The following POU3F3 variants were observed in gnomAD, a reference collection of about 807,000 sequenced individuals.
The protein encoded by POU3F3 is POU domain, class 3, transcription factor 3.
A neutral mutation model predicts 8.6 loss-of-function variants in POU3F3; 1 was observed. That is an observed-to-expected ratio of 0.12 (90% confidence interval 0.04 to 0.55). The LOEUF is 0.55. Among genes scored for constraint, POU3F3 ranks in the 20% least tolerant of loss-of-function variants. The pLI, the probability that POU3F3 is intolerant of heterozygous loss-of-function variation, is 0.91. For synonymous variants in POU3F3, 418 were observed against 327.4 expected (o/e 1.28, Z -2.99); for missense variants, 577 against 690.7 (o/e 0.84, Z 1.84).
the POU3F3 span, among the ~76,000 whole-genome samples, chr2:104,921,805 G>T: frequency 6.6e-6 from 1 of 152,204 alleles, no homozygotes; most frequent in Non-Finnish European, 1.5e-5. Flanking sequence ...ACGCCAGCCT[G>T]GCCAATATGG....
chr2:104,897,267 C>A, the POU3F3 span, among the ~76,000 whole-genome samples: 1 of 152,174 alleles, frequency 6.6e-6, no homozygotes, highest in Non-Finnish European at 1.5e-5. Flanking sequence ...AATGAAGAAC[C>A]AGACCCTCAA....
chr2:104,864,157 T>G, the POU3F3 span, among the ~76,000 whole-genome samples: 4 of 152,184 alleles, frequency 2.6e-5, no homozygotes, highest in African/African-American at 4.8e-5. Flanking sequence ...GGGGAGATCC[T>G]GAGACCGCGG....
At chr2:104,879,662 A>G in the POU3F3 span, among the ~76,000 whole-genome samples, 1 of 152,008 alleles carries the variant, frequency 6.6e-6, no homozygotes, top group Non-Finnish European at 1.5e-5. Context: ...GGCTGCATTG[A>G]TCACCCCTCC....
At chr2:104,894,609 G>A in the POU3F3 span, among the ~76,000 whole-genome samples, 1 of 145,398 alleles carries the variant, frequency 6.9e-6, no homozygotes, top group African/African-American at 2.6e-5. Context: ...TCCTGACCCA[G>A]GTGCCCCATG....
chr2:104,889,200 C>A, the POU3F3 span, among the ~76,000 whole-genome samples: 1 of 152,202 alleles, frequency 6.6e-6, no homozygotes, highest in Non-Finnish European at 1.5e-5. Context: ...CTCCTTAGTT[C>A]AGCTAAGAGC....
chr2:104,925,255 C>T, the POU3F3 span, among the ~76,000 whole-genome samples: 1 of 152,092 alleles, frequency 6.6e-6, no homozygotes, highest in African/African-American at 2.4e-5. Flanking sequence ...GGAAAGGTAG[C>T]CCTTTATGTC....
At chr2:104,892,717 GGA>G in the POU3F3 span, among the ~76,000 whole-genome samples, 9 of 149,558 alleles carry the variant, frequency 6.0e-5, no homozygotes, top group South Asian at 2.1e-4. Context: ...ACACACATAT[GGA>G]GAGAGAGAGA....
chr2:104,922,658 G>T, the POU3F3 span, among the ~76,000 whole-genome samples: 1 of 152,222 alleles, frequency 6.6e-6, no homozygotes, highest in South Asian at 2.1e-4. Context: ...GAGACCCATG[G>T]GACACTACCA....
chr2:104,916,703 G>A, the POU3F3 span, among the ~76,000 whole-genome samples: 2 of 152,274 alleles, frequency 1.3e-5, no homozygotes, highest in South Asian at 2.1e-4. Context: ...TCAATAAAGT[G>A]GGTCCACACT....
chr2:104,882,612 G>A, the POU3F3 span, among the ~76,000 whole-genome samples: 1 of 152,036 alleles, frequency 6.6e-6, no homozygotes, highest in East Asian at 1.9e-4. Flanking sequence ...AGTGGATATT[G>A]GAATTAAATA....
chr2:104,872,537 C>A, the POU3F3 span: 99 of 326,270 alleles, frequency 3.0e-4, no homozygotes, highest in Non-Finnish European at 4.7e-4. This position sits in a 1 kb window ranked among gnomAD's most constrained non-coding sequence, Gnocchi z 4.6. Flanking sequence ...CTCCCGCTAA[C>A]CCCCGCCCTC....
chr2:104,925,420 T>C, the POU3F3 span, among the ~76,000 whole-genome samples: 1 of 152,046 alleles, frequency 6.6e-6, no homozygotes, highest in African/African-American at 2.4e-5. Context: ...AATGAGTAGG[T>C]AAGAAATTCC....
chr2:104,855,433 GCGGCGGCGGCGGCCGCGGC>G lies in POU3F3; in HGVS notation c.-77_-59del. ...GGAGGCGGGGGGCGCGGCGGCGGCG[GCGGCGGCGGCGGCCGCGGC>G]TGCTGCTGCGGCGGCGGCGGCGGTG... On this transcript the variant is annotated 5_prime_UTR_variant, in exon 1 of 1. Coordinates refer to ENST00000361360, the MANE Select transcript of POU3F3 (RefSeq NM_006236.3). The G allele has an allele frequency of 1.4e-6, 1 of 736,914 alleles. No homozygotes were observed. Among genetic ancestry groups the G allele is most frequent in the Non-Finnish European group, 1.6e-6 (1 of 609,408 alleles). 45.6% of individuals were successfully genotyped at this position (736,914 alleles called of 1,614,324 possible).
chr2:104,890,082 C>T, the POU3F3 span, among the ~76,000 whole-genome samples: 242 of 152,158 alleles, frequency 1.6e-3, no homozygotes, highest in African/African-American at 5.5e-3. Context: ...TTGACCGTCA[C>T]GGGACTCTCA....
Position 104,855,494 on chromosome 2 carries a change from G to T in POU3F3, c.-17G>T. On this transcript the variant is annotated 5_prime_UTR_variant, in exon 1 of 1. Coordinates refer to ENST00000361360, the MANE Select transcript of POU3F3 (RefSeq NM_006236.3). ...GCGGCGGTGGTGGCGGCGGTGGGGT[G>T]GCGGGAGCGGAGCGGCATGGCCACG... 1 of 981,180 alleles carries T rather than the reference G, an allele frequency of 1.0e-6. No homozygotes were observed. Among genetic ancestry groups the T allele is most frequent in the Non-Finnish European group, 1.2e-6 (1 of 826,396 alleles). 60.8% of individuals were successfully genotyped at this position (981,180 alleles called of 1,614,324 possible). A position where few individuals can be genotyped will look rare whatever the true frequency, so the allele number is the denominator to read the frequency against.
At chr2:104,879,043 C>G in the POU3F3 span, among the ~76,000 whole-genome samples, 1 of 151,744 alleles carries the variant, frequency 6.6e-6, no homozygotes, top group Non-Finnish European at 1.5e-5. Context: ...CATATACATA[C>G]AAACCACATA....
At chr2:104,897,438 C>T in the POU3F3 span, among the ~76,000 whole-genome samples, 13 of 152,280 alleles carry the variant, frequency 8.5e-5, no homozygotes, top group Admixed American at 5.2e-4. Flanking sequence ...CTTTGCTCAT[C>T]CATTTTTACC....
At chr2:104,878,717 T>C in the POU3F3 span, among the ~76,000 whole-genome samples, 2 of 152,182 alleles carry the variant, frequency 1.3e-5, no homozygotes, top group African/African-American at 4.8e-5. Context: ...TACCACCTCC[T>C]GGTGAAGAAT....
At chr2:104,921,833 TA>T in the POU3F3 span, among the ~76,000 whole-genome samples, 1 of 151,930 alleles carries the variant, frequency 6.6e-6, no homozygotes, top group East Asian at 1.9e-4. Context: ...CTGTCTCTAC[TA>T]AAAAATACAA....
Sources: gnomAD v4.1 joint callset for allele counts (sites outside exome capture counted in the v4.1 genomes callset) on GRCh38, gnomAD v4.1.1 for gene constraint, Gnocchi (gnomAD v3.1) non-coding constraint, MANE v1.5 for transcripts, NCBI Gene and HGNC (gene_info 2026-07-23, HGNC 2026-07-21) for gene names.